MYO3B: variants seen among roughly 807,000 people sequenced by gnomAD.
The protein encoded by MYO3B is myosin-IIIb.
A neutral mutation model predicts 174.6 loss-of-function variants in MYO3B; 156 were observed. That is an observed-to-expected ratio of 0.89 (90% CI 0.78 to 1.02). The LOEUF (loss-of-function observed/expected upper bound fraction) is 1.02. Ranked by LOEUF, MYO3B falls within the 50% of genes least tolerant of loss-of-function variation. The pLI is 0.00. For missense variants in MYO3B, 1,632 were observed against 1,639.4 expected (o/e 1.00, Z 0.08); for synonymous variants, 563 against 569.1 (o/e 0.99, Z 0.15).
At chr2:170,600,073 A>G (rs1256746006) in intron 32 of MYO3B, among the ~76,000 whole-genome samples, 2 of 151,592 alleles carry the variant, frequency 1.3e-5, no homozygotes, top group Admixed American at 6.6e-5. Context: ...GAATGCAAAA[A>G]TGGTCCACTG....
chr2:170,466,833 C>A (rs971386065), intron 25 of MYO3B, 122 bp downstream of exon 25: 2 of 957,318 alleles, frequency 2.1e-6, no homozygotes, highest in African/African-American at 1.6e-5. Flanking sequence ...TAGTTGCCAG[C>A]TACCATTTAC....
intron 30 of MYO3B, among the ~76,000 whole-genome samples, chr2:170,537,866 C>T (rs1689825755): frequency 6.6e-6 from 1 of 152,120 alleles, no homozygotes; most frequent in Non-Finnish European, 1.5e-5. Flanking sequence ...GAGAAATACT[C>T]CCAAATTTAG....
intron 7 of MYO3B, among the ~76,000 whole-genome samples, chr2:170,250,616 T>C (rs538613626): frequency 6.6e-6 from 1 of 152,340 alleles, no homozygotes. Flanking sequence ...ACCAGCTCAG[T>C]AGATCCTCTG....
At chr2:170,636,046 G>A (rs140759273) in intron 32 of MYO3B, among the ~76,000 whole-genome samples, 82 of 152,256 alleles carry the variant, frequency 5.4e-4, no homozygotes, top group African/African-American at 9.1e-4. Flanking sequence ...GTCACAGATC[G>A]TATTATATAG....
At chr2:170,621,424 C>A (rs1297366542) in intron 32 of MYO3B, among the ~76,000 whole-genome samples, 2 of 152,150 alleles carry the variant, frequency 1.3e-5, no homozygotes, top group East Asian at 3.8e-4. Context: ...TCCTTCCCAC[C>A]TTTCACACAT....
At chr2:170,340,661 G>A (rs2093971634) in intron 8 of MYO3B, 1 of 152,180 alleles carries the variant, frequency 6.6e-6, no homozygotes, top group Non-Finnish European at 1.5e-5. Flanking sequence ...AAAGGCATAT[G>A]ATCTAATGGT....
chr2:170,360,887 C>A (rs1024595485), intron 8 of MYO3B, among the ~76,000 whole-genome samples: 3 of 152,232 alleles, frequency 2.0e-5, no homozygotes, highest in Admixed American at 2.0e-4. Flanking sequence ...CTGCTGGAGG[C>A]TTGATCTTGG....
At chr2:170,621,198 A>C (rs935124649) in intron 32 of MYO3B, among the ~76,000 whole-genome samples, 2 of 152,016 alleles carry the variant, frequency 1.3e-5, no homozygotes, top group Non-Finnish European at 2.9e-5. Flanking sequence ...CAACCATAGA[A>C]ATATTTTTGA....
chr2:170,552,816 G>C (rs1691010654), intron 32 of MYO3B, among the ~76,000 whole-genome samples: 2 of 152,154 alleles, frequency 1.3e-5, no homozygotes, highest in Non-Finnish European at 2.9e-5. Flanking sequence ...CAGGCTTAGA[G>C]GGAAAAATGG....
At chr2:170,254,367 G>A (rs1043614719) in intron 7 of MYO3B, among the ~76,000 whole-genome samples, 2 of 152,138 alleles carry the variant, frequency 1.3e-5, no homozygotes, top group African/African-American at 4.8e-5. Flanking sequence ...ATCTTACTCT[G>A]AATGACCACA....
At chr2:170,633,025 C>G (rs1005610906) in intron 32 of MYO3B, among the ~76,000 whole-genome samples, 1 of 152,140 alleles carries the variant, frequency 6.6e-6, no homozygotes, top group African/African-American at 2.4e-5. Flanking sequence ...GATTCACAGC[C>G]GAATTCTACC....
intron 24 of MYO3B, among the ~76,000 whole-genome samples, chr2:170,464,974 C>T (rs1038001255): frequency 1.3e-5 from 2 of 151,948 alleles, no homozygotes; most frequent in Non-Finnish European, 2.9e-5. Context: ...TCAAGCGATT[C>T]TCCTGCGTCA....
intron 32 of MYO3B, among the ~76,000 whole-genome samples, chr2:170,643,315 C>G (rs1474643057): frequency 1.3e-5 from 2 of 152,160 alleles, no homozygotes; most frequent in African/African-American, 4.8e-5. Context: ...AGACAGAGAG[C>G]CAGAAAAGAC....
intron 32 of MYO3B, among the ~76,000 whole-genome samples, chr2:170,628,387 C>G (rs898593583): frequency 1.3e-5 from 2 of 152,218 alleles, no homozygotes; most frequent in Non-Finnish European, 2.9e-5. Context: ...TTTGCTAAGA[C>G]CGTTGGAAAA....
chr2:170,574,810 C>T (rs2106286816), intron 32 of MYO3B, among the ~76,000 whole-genome samples: 1 of 152,254 alleles, frequency 6.6e-6, no homozygotes, highest in Non-Finnish European at 1.5e-5. Context: ...CTTTTAGTTC[C>T]TAGAACTCTT....
chr2:170,410,535 C>T (rs2094538761), intron 22 of MYO3B, among the ~76,000 whole-genome samples: 1 of 148,512 alleles, frequency 6.7e-6, no homozygotes, highest in South Asian at 2.1e-4. Flanking sequence ...GAGCCAAGAC[C>T]ATGCCATTGC....
chr2:170,216,896 A>T (rs2092835070), intron 5 of MYO3B, among the ~76,000 whole-genome samples: 1 of 152,176 alleles, frequency 6.6e-6, no homozygotes, highest in Non-Finnish European at 1.5e-5. Flanking sequence ...AGGGAAAAAA[A>T]AAAATCCTAA....
At chr2:170,524,389 G>C (rs565170700) in intron 30 of MYO3B, 1 of 380,202 alleles carries the variant, frequency 2.6e-6, no homozygotes, top group South Asian at 2.0e-5. Context: ...ATAAATGGTG[G>C]GTCTGGGCTT....
intron 25 of MYO3B, among the ~76,000 whole-genome samples, chr2:170,481,339 C>A (rs1053645184): frequency 1.3e-5 from 2 of 152,244 alleles, no homozygotes; most frequent in Non-Finnish European, 2.9e-5. Flanking sequence ...GCGCCTGTAA[C>A]CCCAGGAGGC....
Sources: allele counts gnomAD v4.1 joint callset (sites outside exome capture counted in the v4.1 genomes callset), GRCh38; gene constraint gnomAD v4.1.1; transcripts MANE v1.5; gene names NCBI Gene and HGNC (gene_info 2026-07-23, HGNC 2026-07-21).